Variants in FREM2 observed in about 807,000 individuals in gnomAD.
FREM2 encodes FRAS1 related extracellular matrix 2, also known as FRAS1-related extracellular matrix protein 2.
Under a neutral mutation model 219.9 loss-of-function variants are expected in FREM2, and 119 were observed. The ratio of observed to expected loss-of-function variants is 0.54; its 90% CI spans 0.47 to 0.63. FREM2 has a LOEUF of 0.63. Among genes scored for constraint, FREM2 ranks in the 30% least tolerant of loss-of-function variants. The probability of loss-of-function intolerance (pLI) is 0.00; values close to 1 mark genes in which losing one functional copy is unlikely to be tolerated. For missense variants in FREM2, 4,030 were observed against 3,993.6 expected, an observed-to-expected ratio of 1.01 and a Z score of -0.25; for synonymous variants, 1,562 against 1,522.8, an observed-to-expected ratio of 1.03 and a Z score of -0.60.
chr13:38,804,211 A>G (rs1040533501), intron 6 of FREM2, among the ~76,000 whole-genome samples: 2 of 152,002 alleles, frequency 1.3e-5, no homozygotes, highest in African/African-American at 4.8e-5. Flanking sequence ...CCTATTTAAT[A>G]TAGTTGATGA....
chr13:38,840,636 A>ATATATATATATATATATG (rs1179577366), intron 6 of FREM2, among the ~76,000 whole-genome samples: 19 of 145,946 alleles, frequency 1.3e-4, no homozygotes, highest in African/African-American at 4.5e-4. Flanking sequence ...ATATATATAT[A>ATATATATATATATATATG]TATATATATG....
intron 21 of FREM2, 81 bp downstream of exon 21, chr13:38,877,324 G>A (rs1343397014): frequency 8.9e-6 from 13 of 1,466,184 alleles, no homozygotes; most frequent in Admixed American, 1.7e-5. Context: ...TGTGTTTGAG[G>A]GGGCAAATTA....
chr13:38,713,007 T>C (rs1870843754), intron 2 of FREM2, among the ~76,000 whole-genome samples: 1 of 152,202 alleles, frequency 6.6e-6, no homozygotes, highest in African/African-American at 2.4e-5. Flanking sequence ...CCCCATCCTC[T>C]GTCCAAATAG....
intron 6 of FREM2, among the ~76,000 whole-genome samples, chr13:38,845,729 A>G (rs1877127436): frequency 6.6e-6 from 1 of 152,160 alleles, no homozygotes; most frequent in African/African-American, 2.4e-5. Flanking sequence ...ATCATTGGTC[A>G]GCTGACTGCT....
chr13:38,753,454 G>A (rs1177455502), intron 2 of FREM2, among the ~76,000 whole-genome samples: 2 of 152,128 alleles, frequency 1.3e-5, no homozygotes, highest in Non-Finnish European at 2.9e-5. Flanking sequence ...ATGGAGCATT[G>A]AGAAAAGATG....
At position 38,691,370 on chromosome 13, in the gene FREM2, T is replaced by G; in HGVS notation, c.4026T>G (p.Ile1342Met). 1 of 1,614,022 alleles carries G rather than the reference T, an allele frequency of 6.2e-7. No individual in the cohort carries two copies. Among genetic ancestry groups the G allele is most frequent in the Non-Finnish European group, 8.5e-7 (1 of 1,179,906 alleles). ...LDSEDKSLVYIIRYGPGHGLL... is the reference protein window; with the variant it reads ...LDSEDKSLVYMIRYGPGHGLL... ...CAGAAGACAAATCTTTGGTTTATAT[T>G]ATTCGTTATGGGCCAGGACATGGCT... The change falls in exon 1 of 24, where the codon ATT (isoleucine) becomes ATG (methionine). Residue 1342 changes from isoleucine (I) to methionine (M), a missense_variant. Transcript: ENST00000280481.
chr13:38,849,462 G>A (rs138878211), intron 8 of FREM2, among the ~76,000 whole-genome samples: 1 of 152,198 alleles, frequency 6.6e-6, no homozygotes, highest in African/African-American at 2.4e-5. Flanking sequence ...TGCCAAAAAT[G>A]CTGTTCTGGG....
intron 2 of FREM2, among the ~76,000 whole-genome samples, chr13:38,701,313 C>T (rs932686521): frequency 1.2e-4 from 18 of 152,112 alleles, no homozygotes; most frequent in African/African-American, 3.9e-4. Context: ...CCGCTGTCTG[C>T]GGCTTCATCT....
intron 4 of FREM2, among the ~76,000 whole-genome samples, chr13:38,780,883 C>G (rs900715413): frequency 1.3e-5 from 2 of 152,202 alleles, no homozygotes; most frequent in African/African-American, 2.4e-5. Flanking sequence ...ACACCTGAAG[C>G]CTTCCCTTTT....
chr13:38,793,895 G>A (rs1225174570), intron 6 of FREM2, among the ~76,000 whole-genome samples: 2 of 152,220 alleles, frequency 1.3e-5, no homozygotes, highest in Admixed American at 1.3e-4. Flanking sequence ...TGGGTTAAGA[G>A]TGGTACAGTT....
chr13:38,700,419 G>A (rs975934393), intron 2 of FREM2, among the ~76,000 whole-genome samples: 3 of 151,986 alleles, frequency 2.0e-5, no homozygotes, highest in Non-Finnish European at 4.4e-5. Flanking sequence ...ATAACATCAG[G>A]GTCTTTACCT....
intron 2 of FREM2, among the ~76,000 whole-genome samples, chr13:38,727,676 G>A (rs1871587015): frequency 1.3e-5 from 2 of 152,222 alleles, no homozygotes; most frequent in African/African-American, 2.4e-5. Flanking sequence ...GTGAATCAAT[G>A]TGCACCAAGT....
At chr13:38,717,412 CTTTT>C (rs386378868) in intron 2 of FREM2, among the ~76,000 whole-genome samples, 3 of 90,146 alleles carry the variant, frequency 3.3e-5, no homozygotes, top group Admixed American at 1.6e-4. Flanking sequence ...TACATAAGTA[CTTTT>C]TTTTTTTTTT....
intron 19 of FREM2, 39 bp downstream of exon 19, chr13:38,876,188 C>T (rs1268138258): frequency 1.9e-6 from 3 of 1,614,006 alleles, no homozygotes; most frequent in Non-Finnish European, 2.5e-6. Flanking sequence ...TCTTCTGCTG[C>T]TGCCATCTGA....
rs755010373 is a variant in FREM2, at chr13:38,691,134, A to T, written c.3790A>T (p.Ile1264Phe). The change falls in exon 1 of 24, where the codon ATT becomes TTT. Residue 1264 changes from isoleucine to phenylalanine, a missense_variant. By Grantham distance (21) the Ile-to-Phe change is conservative. Transcript: ENST00000280481. ...TCAGATCATAGAGAGTTCCAGCATT[A>T]TTTATGAGCATGATGACTCCGAGAC... ...LDQIIESSSI[I>F]YEHDDSETQE... 1.9e-6 allele frequency: 3 copies of T among 1,614,096 alleles called. No individual in the cohort carries two copies. Among genetic ancestry groups the T allele is most frequent in the Non-Finnish European group, 2.5e-6 (3 of 1,180,022 alleles).
intron 1 of FREM2, among the ~76,000 whole-genome samples, chr13:38,693,697 A>G (rs1869994885): frequency 6.6e-6 from 1 of 152,208 alleles, no homozygotes. Context: ...TTTTCCTGCA[A>G]CTGTGTTGTA....
chr13:38,838,338 C>T (rs929860423), intron 6 of FREM2, among the ~76,000 whole-genome samples: 3 of 152,202 alleles, frequency 2.0e-5, no homozygotes, highest in African/African-American at 7.2e-5. Context: ...CACTGTTAGT[C>T]TGATGGGCTT....
chr13:38,769,234 T>C (rs1873557591), intron 3 of FREM2, among the ~76,000 whole-genome samples: 1 of 152,200 alleles, frequency 6.6e-6, no homozygotes. Context: ...AAAGTAAATG[T>C]GAAGAGTTTT....
intron 2 of FREM2, among the ~76,000 whole-genome samples, chr13:38,722,002 A>G (rs1167576819): frequency 1.3e-5 from 2 of 152,134 alleles, no homozygotes; most frequent in African/African-American, 2.4e-5. Flanking sequence ...GTACTGGGAC[A>G]CAAACATTGA....
Sources: allele counts gnomAD v4.1 joint callset (sites outside exome capture counted in the v4.1 genomes callset), GRCh38; gene constraint gnomAD v4.1.1; transcripts MANE v1.5; gene names NCBI Gene and HGNC (gene_info 2026-07-23, HGNC 2026-07-21).